CPNE5: variants seen among roughly 807,000 people sequenced by gnomAD.
The protein encoded by CPNE5 is copine-5.
Under a neutral mutation model 81.1 loss-of-function variants are expected in CPNE5, and 42 were observed. That is an observed-to-expected ratio of 0.52 (90% CI 0.40 to 0.67). CPNE5 has a LOEUF of 0.67. Among genes scored for constraint, CPNE5 ranks in the 30% least tolerant of loss-of-function variants. CPNE5 has a pLI of 0.00. For missense variants in CPNE5, 612 were observed against 815.5 expected (o/e 0.75, Z 3.04); for synonymous variants, 313 against 321.5 (o/e 0.97, Z 0.28).
At chr6:36,823,144 G>A (rs371453464) in intron 1 of CPNE5, 46 bp from the exon 2 acceptor site, 7 of 1,479,776 alleles carry the variant, frequency 4.7e-6, no homozygotes, top group Non-Finnish European at 6.4e-6. Context: ...CAGCTGAGAG[G>A]AGGCGACCTC....
chr6:36,753,811 T>C (rs1282098640), intron 13 of CPNE5, among the ~76,000 whole-genome samples: 1 of 152,186 alleles, frequency 6.6e-6, no homozygotes, highest in Non-Finnish European at 1.5e-5. Flanking sequence ...CAATTTAGAA[T>C]CAAGGAGACA....
chr6:36,828,670 T>C lies in CPNE5; in HGVS notation c.96-5572A>G, dbSNP rs147403115. Among the ~76,000 whole-genome samples, 164 of 152,330 alleles carry C rather than the reference T, an allele frequency of 1.1e-3. 1 individual carries two copies. Among genetic ancestry groups the C allele is most frequent in the African/African-American group, 2.6e-3 (108 of 41,564 alleles). On this transcript the variant is annotated intron_variant, in intron 1 of 20. Transcript: ENST00000244751. ...TATATACGGATACCACATATATGGA[T>C]ACATTCTTCTGGAGAGCTTTCATTA...
chr6:36,822,322 A>G (rs1456096084), intron 2 of CPNE5, among the ~76,000 whole-genome samples, 162 bp from the exon 3 acceptor site: 1 of 152,014 alleles, frequency 6.6e-6, no homozygotes, highest in Non-Finnish European at 1.5e-5. Context: ...GGTGGCTGAG[A>G]TCTTGGTGAG....
At chr6:36,825,016 T>G (rs1772378954) in intron 1 of CPNE5, among the ~76,000 whole-genome samples, 1 of 152,088 alleles carries the variant, frequency 6.6e-6, no homozygotes, top group African/African-American at 2.4e-5. Flanking sequence ...CTCTTTCTCC[T>G]CCATGATGGG....
chr6:36,834,089 C>G (rs375778624), intron 1 of CPNE5, among the ~76,000 whole-genome samples: 2 of 148,026 alleles, frequency 1.4e-5, no homozygotes, highest in African/African-American at 5.0e-5. Context: ...AAAAAAAAAT[C>G]AAAAAAAATT....
chr6:36,741,947 G>A lies in CPNE5; in HGVS notation c.*321C>T, dbSNP rs1035798982. The A allele has an allele frequency of 3.8e-5, 12 of 312,934 alleles. No individual in the cohort carries two copies. Among genetic ancestry groups the A allele is most frequent in the East Asian group, 1.7e-4 (3 of 18,056 alleles). The allele number at this position is 312,934 out of a possible 1,614,324, so 19.4% of individuals were successfully genotyped here. A position where few individuals can be genotyped will look rare whatever the true frequency, so the allele number is the denominator to read the frequency against. Reference sequence around the variant, plus strand: ...TGACAGGTAAGCAAATAGGATTGCCGGGGGTGGGCGACAGGGACCCCAATC... The same window carrying A: ...TGACAGGTAAGCAAATAGGATTGCCAGGGGTGGGCGACAGGGACCCCAATC... On this transcript the variant is annotated 3_prime_UTR_variant, in exon 21 of 21. Transcript: ENST00000244751.
At chr6:36,784,378 G>T (rs927650709) in intron 8 of CPNE5, among the ~76,000 whole-genome samples, 2 of 152,256 alleles carry the variant, frequency 1.3e-5, no homozygotes, top group Non-Finnish European at 2.9e-5. Flanking sequence ...CCACAGGGAA[G>T]TCCTTGAGAC....
chr6:36,795,408 A>G (rs1769474354), intron 6 of CPNE5, among the ~76,000 whole-genome samples: 1 of 152,130 alleles, frequency 6.6e-6, no homozygotes. Context: ...CGAACTCCTG[A>G]CCTCAGGTGA....
At chr6:36,759,333 AG>A (rs1428470441) in intron 12 of CPNE5, among the ~76,000 whole-genome samples, 1 of 151,680 alleles carries the variant, frequency 6.6e-6, no homozygotes, top group Non-Finnish European at 1.5e-5. Context: ...AATCCCATGC[AG>A]GGGGCCAGCG....
chr6:36,785,723 A>C (rs987760821), intron 8 of CPNE5, among the ~76,000 whole-genome samples: 54 of 152,116 alleles, frequency 3.5e-4, no homozygotes, highest in Non-Finnish European at 4.7e-4. Context: ...AACAATTTAA[A>C]AAATTTAGGC....
At chr6:36,791,239 A>G (rs1047852318) in intron 8 of CPNE5, among the ~76,000 whole-genome samples, 7 of 152,150 alleles carry the variant, frequency 4.6e-5, no homozygotes, top group Non-Finnish European at 1.0e-4. Context: ...GCTGACCTGG[A>G]GTAGAGTCAT....
intron 7 of CPNE5, among the ~76,000 whole-genome samples, chr6:36,793,498 A>C (rs565217937): frequency 1.3e-5 from 2 of 152,052 alleles, no homozygotes; most frequent in East Asian, 3.9e-4. Context: ...CCTCCGCCCC[A>C]TGTTTCTCCA....
At chr6:36,748,312 G>A (rs376428020) in intron 14 of CPNE5, 45 bp from the exon 15 acceptor site, 9 of 1,568,938 alleles carry the variant, frequency 5.7e-6, no homozygotes, top group Non-Finnish European at 7.9e-6. Flanking sequence ...AGGGAGGCAG[G>A]GCTGTGGGAG....
intron 3 of CPNE5, among the ~76,000 whole-genome samples, chr6:36,818,437 G>A (rs958161052): frequency 3.3e-5 from 5 of 152,062 alleles, no homozygotes; most frequent in South Asian, 2.1e-4. Flanking sequence ...TTTCCCCAGC[G>A]CCTGGCACTT....
intron 10 of CPNE5, among the ~76,000 whole-genome samples, chr6:36,774,109 C>G (rs1348112168): frequency 1.3e-5 from 2 of 149,982 alleles, no homozygotes; most frequent in African/African-American, 4.9e-5. Flanking sequence ...ATCTGCCAGG[C>G]ATGGTGGTTC....
At chr6:36,780,262 C>T (rs1192204871) in intron 8 of CPNE5, among the ~76,000 whole-genome samples, 3 of 152,190 alleles carry the variant, frequency 2.0e-5, no homozygotes, top group African/African-American at 4.8e-5. Context: ...TGCACCTGGC[C>T]CCCCCTTCCT....
intron 8 of CPNE5, among the ~76,000 whole-genome samples, chr6:36,785,782 G>A (rs1286487447): frequency 6.6e-6 from 1 of 152,150 alleles, no homozygotes; most frequent in African/African-American, 2.4e-5. Context: ...GGAGGCCAAG[G>A]TGGGCAGATC....
In CPNE5 at chr6:36,766,608, G is replaced by A. The variant is rs184799391; in HGVS notation, c.738-1232C>T. 1.3e-5 allele frequency among the ~76,000 whole-genome samples: 2 copies of A among 152,308 alleles called. No homozygotes were observed. The highest frequency in any genetic ancestry group is 4.8e-5 in the African/African-American group (2 of 41,560). On this transcript the variant is annotated intron_variant, in intron 10 of 20. Coordinates refer to ENST00000244751, the MANE Select transcript of CPNE5 (RefSeq NM_020939.2). This position sits in a 1 kb window ranked among gnomAD's most constrained non-coding sequence, Gnocchi z 4.2. Reference sequence around the variant, plus strand: ...TCACCTAAGCCCCTGAAGGTGGGTTGATGAGCTGGAAAGAGTGGAAAGACC... The same window carrying A: ...TCACCTAAGCCCCTGAAGGTGGGTTAATGAGCTGGAAAGAGTGGAAAGACC...
intron 3 of CPNE5, among the ~76,000 whole-genome samples, chr6:36,819,076 G>A (rs1222499837): frequency 6.6e-6 from 1 of 152,136 alleles, no homozygotes; most frequent in African/African-American, 2.4e-5. Context: ...CAGCCCCTGT[G>A]GAAATATTTC....
Sources: allele counts gnomAD v4.1 joint callset (sites outside exome capture counted in the v4.1 genomes callset), GRCh38; gene constraint gnomAD v4.1.1; non-coding constraint Gnocchi (gnomAD v3.1); transcripts MANE v1.5; gene names NCBI Gene and HGNC (gene_info 2026-07-23, HGNC 2026-07-21).